MSRB3: variants seen among roughly 807,000 people sequenced by gnomAD.
The protein encoded by MSRB3 is methionine sulfoxide reductase B3.
In MSRB3, 13 loss-of-function variants were observed where a neutral mutation model predicts 21.0. The observed-to-expected ratio is 0.62, with a 90% CI of 0.40 to 0.98. The LOEUF (loss-of-function observed/expected upper bound fraction) is 0.98, where lower values mean the gene tolerates loss of function less well. Ranked by LOEUF, MSRB3 falls within the 50% of genes least tolerant of loss-of-function variation. The pLI, the probability that MSRB3 is intolerant of heterozygous loss-of-function variation, is 0.00. For synonymous variants in MSRB3, 87 were observed against 88.6 expected, an observed-to-expected ratio of 0.98 and a Z score of 0.10; for missense variants, 199 against 230.3, an observed-to-expected ratio of 0.86 and a Z score of 0.88.
chr12:65,319,113 A>G (rs1474179401), intron 2 of MSRB3, among the ~76,000 whole-genome samples: 1 of 152,150 alleles, frequency 6.6e-6, no homozygotes, highest in East Asian at 1.9e-4. Flanking sequence ...ACTGTGAAAA[A>G]TACATTTACT....
At chr12:65,446,993 A>T (rs1311906967) in intron 5 of MSRB3, among the ~76,000 whole-genome samples, 2 of 152,208 alleles carry the variant, frequency 1.3e-5, no homozygotes, top group African/African-American at 4.8e-5. Flanking sequence ...ACAAGCCTGG[A>T]AGACTGCTCT....
Position 65,443,272 on chromosome 12 carries a change from A to G in MSRB3, c.293-10456A>G, listed in dbSNP as rs535969297. 4.0e-4 allele frequency among the ~76,000 whole-genome samples: 61 copies of G among 152,260 alleles called. 1 individual carries two copies. Among genetic ancestry groups the G allele is most frequent in the African/African-American group, 1.3e-3 (56 of 41,566 alleles). ...GCCCAAGGACACCTCAGTGTTCTTG[A>G]CAGCCTTAGTCATATTGTCCTCAAA... On this transcript the variant is annotated intron_variant, in intron 5 of 6. Transcript: ENST00000308259.
At chr12:65,433,280 G>A (rs887053426) in intron 5 of MSRB3, among the ~76,000 whole-genome samples, 1 of 151,524 alleles carries the variant, frequency 6.6e-6, no homozygotes, top group African/African-American at 2.4e-5. Flanking sequence ...AATTTCTTAT[G>A]GAGTCATATT....
chr12:65,363,287 C>G (rs1877814390), intron 4 of MSRB3, among the ~76,000 whole-genome samples: 1 of 151,976 alleles, frequency 6.6e-6, no homozygotes, highest in South Asian at 2.1e-4. Flanking sequence ...GTGGGTTTCC[C>G]CAGAGAGACA....
chr12:65,315,691 A>C (rs1874252492), intron 2 of MSRB3, among the ~76,000 whole-genome samples: 1 of 151,658 alleles, frequency 6.6e-6, no homozygotes, highest in African/African-American at 2.4e-5. Context: ...AAAAAAAAAA[A>C]AACCCATGAA....
chr12:65,295,001 A>T lies in MSRB3; in HGVS notation c.-51-13528A>T, dbSNP rs570485756. On this transcript the variant is annotated intron_variant, in intron 1 of 6. Transcript: ENST00000308259. Reference sequence around the variant, plus strand: ...GCCTACCACATCTGGTTACTTTTTTAAAAAAATTATGTGCAGAAGAGATGG... The same window carrying T: ...GCCTACCACATCTGGTTACTTTTTTTAAAAAATTATGTGCAGAAGAGATGG... Among the ~76,000 whole-genome samples, 52 of 152,004 alleles carry T rather than the reference A, an allele frequency of 3.4e-4. No homozygotes were observed. The East Asian group carries it at 6.4e-3, about 19-fold the overall frequency.
chr12:65,392,673 G>A (rs1234234913), intron 5 of MSRB3, among the ~76,000 whole-genome samples: 1 of 152,112 alleles, frequency 6.6e-6, no homozygotes. Context: ...CCAGAATCTT[G>A]GAAATCTTGC....
Position 65,453,716 on chromosome 12 carries a change from G to C in MSRB3, c.293-12G>C. The C allele has an allele frequency of 6.2e-7, 1 of 1,604,952 alleles. No homozygotes were observed. The highest frequency in any genetic ancestry group is 8.5e-7 in the Non-Finnish European group (1 of 1,171,870). On this transcript the variant is annotated splice_polypyrimidine_tract_variant and intron_variant, in intron 5 of 6. Coordinates refer to ENST00000308259, the MANE Select transcript of MSRB3 (RefSeq NM_001031679.3). Reference sequence around the variant, plus strand: ...CCTCTCTGCTTTGATTCTTGTGCCTGCTGTGTCCCAGGTTGGCCTTCATTC... The same window carrying C: ...CCTCTCTGCTTTGATTCTTGTGCCTCCTGTGTCCCAGGTTGGCCTTCATTC...
chr12:65,296,961 G>A (rs1356939671), intron 1 of MSRB3, among the ~76,000 whole-genome samples: 1 of 152,160 alleles, frequency 6.6e-6, no homozygotes, highest in East Asian at 1.9e-4. Flanking sequence ...TAAATGATTT[G>A]TAAATAATAT....
chr12:65,451,113 T>A (rs1882839916), intron 5 of MSRB3, among the ~76,000 whole-genome samples: 1 of 152,204 alleles, frequency 6.6e-6, no homozygotes. Flanking sequence ...CCACAGTGAG[T>A]TACAGTCTCC....
intron 4 of MSRB3, among the ~76,000 whole-genome samples, chr12:65,341,532 A>G (rs899887594): frequency 1.7e-5 from 2 of 118,386 alleles, no homozygotes; most frequent in African/African-American, 3.9e-5. Context: ...TAGTAAAAAA[A>G]TAATTGTACA....
intron 2 of MSRB3, among the ~76,000 whole-genome samples, chr12:65,325,578 T>A (rs1874968017): frequency 6.6e-6 from 1 of 152,136 alleles, no homozygotes; most frequent in Admixed American, 6.5e-5. Flanking sequence ...TAGACAATAT[T>A]TTCCTAGTTT....
chr12:65,451,187 T>G (rs1219061152), intron 5 of MSRB3, among the ~76,000 whole-genome samples: 1 of 152,198 alleles, frequency 6.6e-6, no homozygotes, highest in Non-Finnish European at 1.5e-5. Context: ...AATATTCCAT[T>G]TTGAAAACTG....
At chr12:65,333,373 G>T (rs1875552691) in intron 4 of MSRB3, among the ~76,000 whole-genome samples, 1 of 152,108 alleles carries the variant, frequency 6.6e-6, no homozygotes, top group African/African-American at 2.4e-5. Flanking sequence ...AGACTTCTTG[G>T]GGGAGATGAG....
At chr12:65,402,708 T>C (rs1880196333) in intron 5 of MSRB3, among the ~76,000 whole-genome samples, 1 of 152,220 alleles carries the variant, frequency 6.6e-6, no homozygotes, top group Non-Finnish European at 1.5e-5. Context: ...GTTTTTGGAA[T>C]TTTCAGCCAT....
intron 4 of MSRB3, among the ~76,000 whole-genome samples, chr12:65,328,882 G>A (rs1875228507): frequency 6.6e-6 from 1 of 152,158 alleles, no homozygotes; most frequent in African/African-American, 2.4e-5. Context: ...AAGAGATTTT[G>A]GCAAGCATAG....
intron 5 of MSRB3, among the ~76,000 whole-genome samples, chr12:65,371,328 CA>C (rs34453745): frequency 0.26 from 21,588 of 83,862 alleles, 1,121 homozygotes; most frequent in African/African-American, 0.35. Flanking sequence ...GACTCCATCT[CA>C]AAAAAAAAAA....
At chr12:65,362,268 G>A (rs1200401200) in intron 4 of MSRB3, among the ~76,000 whole-genome samples, 10 of 152,154 alleles carry the variant, frequency 6.6e-5, no homozygotes, top group Non-Finnish European at 1.5e-4. Flanking sequence ...TCAAAGGCAG[G>A]AAAGAGGGAA....
chr12:65,451,040 C>T (rs985511866), intron 5 of MSRB3, among the ~76,000 whole-genome samples: 1 of 152,176 alleles, frequency 6.6e-6, no homozygotes, highest in African/African-American at 2.4e-5. Context: ...AGCAACTCAG[C>T]ATTCTCCTTT....
Sources: allele counts gnomAD v4.1 joint callset (sites outside exome capture counted in the v4.1 genomes callset), GRCh38; gene constraint gnomAD v4.1.1; transcripts MANE v1.5; gene names NCBI Gene and HGNC (gene_info 2026-07-23, HGNC 2026-07-21).